The following EPAS1 variants were observed in gnomAD, a reference collection of about 807,000 sequenced individuals.
EPAS1 encodes the protein endothelial PAS domain protein 1, also known as endothelial PAS domain-containing protein 1.
A neutral mutation model predicts 87.9 loss-of-function variants in EPAS1; 23 were observed. That is an observed-to-expected ratio of 0.26 (90% confidence interval 0.19 to 0.37). The LOEUF is 0.37. Among genes scored for constraint, EPAS1 ranks in the 10% least tolerant of loss-of-function variants. EPAS1 has a pLI of 1.00. For synonymous variants in EPAS1, 508 were observed against 444.3 expected (o/e 1.14, Z -1.80); for missense variants, 1,138 against 1,120.7 (o/e 1.02, Z -0.22).
chr2:46,352,199 T>A lies in EPAS1; in HGVS notation c.218-3952T>A, dbSNP rs115878065. 4.9e-3 allele frequency among the ~76,000 whole-genome samples: 749 copies of A among 152,284 alleles called. 7 individuals carry two copies. Among genetic ancestry groups the A allele is most frequent in the Middle Eastern group, 0.014 (4 of 294 alleles). ...GCCCAGGATGATTTACAGACCCACT[T>A]GGTGGCTTATTGAGCACCTACTCTG... On this transcript the variant is annotated intron_variant, in intron 2 of 15. Transcript: ENST00000263734.
At chr2:46,311,792 G>A (rs546083864) in intron 1 of EPAS1, among the ~76,000 whole-genome samples, 30 of 152,132 alleles carry the variant, frequency 2.0e-4, no homozygotes, top group Non-Finnish European at 3.1e-4. Context: ...TGAGACATGG[G>A]CACACCTGAG....
At chr2:46,372,229 C>G (rs1366312388) in intron 7 of EPAS1, among the ~76,000 whole-genome samples, 1 of 152,192 alleles carries the variant, frequency 6.6e-6, no homozygotes, top group Non-Finnish European at 1.5e-5. Context: ...AAACCCATAG[C>G]TAGCCAAGGG....
intron 1 of EPAS1, among the ~76,000 whole-genome samples, chr2:46,323,312 G>A (rs367769971): frequency 4.6e-5 from 7 of 152,318 alleles, no homozygotes; most frequent in South Asian, 2.1e-4. Flanking sequence ...ATATAAAATA[G>A]TGATCAATAA....
chr2:46,356,213 G>C lies in EPAS1; in HGVS notation c.280G>C (p.Ala94Pro). Reference sequence around the variant, plus strand: ...GCAGATGGACAACTTGTACCTGAAAGCCTTGGAGGGTTTCATTGCCGTGGT... The same window carrying C: ...GCAGATGGACAACTTGTACCTGAAACCCTTGGAGGGTTTCATTGCCGTGGT... ...DQQMDNLYLKALEGFIAVVTQ... is the reference protein window; with the variant it reads ...DQQMDNLYLKPLEGFIAVVTQ... Residue 94 changes from alanine to proline, a missense_variant, in exon 3 of 16, where the codon GCC (alanine) becomes CCC (proline). Physicochemically the swap from Ala to Pro is conservative, Grantham distance 27. This residue lies in a region of EPAS1 where 351 missense variants were observed against 417.1 expected (regional missense o/e 0.84). Coordinates refer to ENST00000263734, the MANE Select transcript of EPAS1 (RefSeq NM_001430.5). 1 of 1,589,026 alleles carries C rather than the reference G, an allele frequency of 6.3e-7. No homozygotes were observed. Among genetic ancestry groups the C allele is most frequent in the South Asian group, 1.1e-5 (1 of 90,478 alleles).
chr2:46,378,680 C>T lies in EPAS1; in HGVS notation c.1467C>T (p.Tyr489=). 1 of 1,614,132 alleles carries T rather than the reference C, an allele frequency of 6.2e-7. No individual in the cohort carries two copies. The highest frequency in any genetic ancestry group is 1.1e-5 in the South Asian group (1 of 91,078). ...AGCCCAATAGCCCTGAAGACTATTACACATCTTTGGATAACGACCTGAAGA... is the reference window on the plus strand; with the variant it reads ...AGCCCAATAGCCCTGAAGACTATTATACATCTTTGGATAACGACCTGAAGA... ...CSTPNSPEDY[Y]TSLDNDLKIE... is the part of the protein sequence containing the mutation. The change falls in exon 11 of 16, where the codon TAC becomes TAT. Residue 489 remains tyrosine (Y), a synonymous_variant. Transcript: ENST00000263734.
intron 3 of EPAS1, 109 bp from the exon 4 acceptor site, chr2:46,356,615 C>G: frequency 1.1e-6 from 1 of 896,656 alleles, no homozygotes; most frequent in Non-Finnish European, 1.9e-6. Flanking sequence ...TGAGAAAACC[C>G]AATTCAGTCT....
Position 46,381,774 on chromosome 2 carries a change from C to G in EPAS1, c.2172+52C>G, listed in dbSNP as rs548548112. On this transcript the variant is annotated intron_variant, in intron 13 of 15. Coordinates refer to ENST00000263734, the MANE Select transcript of EPAS1 (RefSeq NM_001430.5). ...GCCTCTCCATAGCCCTTAGGGAACC[C>G]AGGGCTGCTGAGAGGGGTGGGGATG... 9.9e-6 allele frequency: 16 copies of G among 1,610,034 alleles called. No homozygotes were observed. In the South Asian group the frequency reaches 1.8e-4, roughly 18 times the overall value.
At chr2:46,369,347 A>C (rs17035077) in intron 6 of EPAS1, among the ~76,000 whole-genome samples, 4,327 of 152,224 alleles carry the variant, frequency 0.028, 196 homozygotes, top group African/African-American at 0.097. Flanking sequence ...CATAATTTTC[A>C]TGTTTCATTT....
At chr2:46,366,643 G>A (rs1458462784) in intron 6 of EPAS1, among the ~76,000 whole-genome samples, 1 of 152,144 alleles carries the variant, frequency 6.6e-6, no homozygotes, top group Non-Finnish European at 1.5e-5. Flanking sequence ...GCCCTACTGA[G>A]TTGACTTTGA....
chr2:46,345,526 G>C (rs2104870621), intron 1 of EPAS1, among the ~76,000 whole-genome samples: 1 of 152,194 alleles, frequency 6.6e-6, no homozygotes, highest in Non-Finnish European at 1.5e-5. Context: ...ACCTGCTGGA[G>C]GCCACAGGTA....
At chr2:46,337,564 ATTTC>A in intron 1 of EPAS1, among the ~76,000 whole-genome samples, 1 of 152,252 alleles carries the variant, frequency 6.6e-6, no homozygotes, top group Middle Eastern at 3.4e-3. Flanking sequence ...CCGCCGTGCA[ATTTC>A]TTTGTCAATT....
Position 46,385,982 on chromosome 2 carries a change from A to T in EPAS1, c.*1322A>T, listed in dbSNP as rs1685014844. 3.9e-5 allele frequency: 6 copies of T among 152,578 alleles called. No homozygotes were observed. In the South Asian group the frequency reaches 1.2e-3, roughly 32 times the overall value. 9.5% of individuals were successfully genotyped at this position (152,578 alleles called of 1,614,324 possible). A position where few individuals can be genotyped will look rare whatever the true frequency, so the allele number is the denominator to read the frequency against. ...GGAGCCCCGTGGAGCTGGACTGAGG[A>T]GGAGGCTGCACAGCGGGAGAGCAGC... On this transcript the variant is annotated 3_prime_UTR_variant, in exon 16 of 16. Transcript: ENST00000263734.
At chr2:46,299,100 G>A (rs1458858218) in intron 1 of EPAS1, among the ~76,000 whole-genome samples, 1 of 152,240 alleles carries the variant, frequency 6.6e-6, no homozygotes, top group Non-Finnish European at 1.5e-5. Context: ...AAGGGAGGGA[G>A]GTGACTGGCC....
Position 46,297,541 on chromosome 2 carries a change from G to C in EPAS1, c.-371G>C, listed in dbSNP as rs1682903905. ...CTCAGCCCGGCCTCCGACTCCTTCCGACTCCCAGCATTCGAGCCACTTTTT... is the reference window on the plus strand; with the variant it reads ...CTCAGCCCGGCCTCCGACTCCTTCCCACTCCCAGCATTCGAGCCACTTTTT... On this transcript the variant is annotated 5_prime_UTR_variant, in exon 1 of 16. Coordinates refer to ENST00000263734, the MANE Select transcript of EPAS1 (RefSeq NM_001430.5). 9 of 314,666 alleles carry C rather than the reference G, an allele frequency of 2.9e-5. No homozygotes were observed. The highest frequency in any genetic ancestry group is 2.4e-4 in the South Asian group (9 of 37,658). The allele number at this position is 314,666 out of a possible 1,614,324, so 19.5% of individuals were successfully genotyped here. A position where few individuals can be genotyped will look rare whatever the true frequency, so the allele number is the denominator to read the frequency against.
intron 2 of EPAS1, among the ~76,000 whole-genome samples, chr2:46,353,335 T>C (rs1562453): frequency 0.58 from 88,533 of 152,140 alleles, 26,379 homozygotes; most frequent in East Asian, 0.88. Flanking sequence ...AAAAACAGAT[T>C]CTCAGTTCTA....
At chr2:46,316,672 A>G (rs1036665014) in intron 1 of EPAS1, among the ~76,000 whole-genome samples, 2 of 152,198 alleles carry the variant, frequency 1.3e-5, no homozygotes, top group Non-Finnish European at 2.9e-5. Context: ...TCTTGCCTCC[A>G]TATCGGTGGC....
Position 46,301,824 on chromosome 2 carries a change from G to GAAA in EPAS1, c.26+3900_26+3902dup, listed in dbSNP as rs3053640. 7.5e-3 allele frequency among the ~76,000 whole-genome samples: 981 copies of GAAA among 131,382 alleles called. 19 individuals are homozygous for GAAA. Among genetic ancestry groups the GAAA allele is most frequent in the Admixed American group, 0.019 (260 of 13,720 alleles). 86.2% of individuals were successfully genotyped at this position (131,382 alleles called of 152,430 possible). ...GAAGTGATGATTCTGTTTGCTTTTTGAAAAAAAAAAAAAAAGGAAGCAGAG... is the reference window on the plus strand; with the variant it reads ...GAAGTGATGATTCTGTTTGCTTTTTGAAAAAAAAAAAAAAAAAAGGAAGCAGAG... On this transcript the variant is annotated intron_variant, in intron 1 of 15. Transcript: ENST00000263734.
At position 46,382,033 on chromosome 2, in the gene EPAS1, G is replaced by C; in HGVS notation, c.2231G>C (p.Arg744Thr). Residue 744 changes from arginine to threonine, a missense_variant, in exon 14 of 16, where the codon AGG becomes ACG. By Grantham distance (71) the Arg-to-Thr change is moderately conservative (BLOSUM62 -1). Transcript: ENST00000263734. ...ATGTGGAAACGGATGAAGAACCTCA[G>C]GGGTGGGAGCTGCCCTTTGATGCCG... The part of the protein sequence containing the change: ...HLMWKRMKNL[R>T]GGSCPLMPDK... 1 of 1,614,070 alleles carries C rather than the reference G, an allele frequency of 6.2e-7. No individual in the cohort carries two copies. The highest frequency in any genetic ancestry group is 1.1e-5 in the South Asian group (1 of 91,086).
At position 46,360,250 on chromosome 2, in the gene EPAS1, C is replaced by T. The variant is rs1000358850; in HGVS notation, c.455-388C>T. Among the ~76,000 whole-genome samples, 2 of 152,246 alleles carry T rather than the reference C, an allele frequency of 1.3e-5. No individual in the cohort carries two copies. The highest frequency in any genetic ancestry group is 2.4e-5 in the African/African-American group (1 of 41,462). Reference sequence around the variant, plus strand: ...CACCCTTGGAGTAACTGTGGCCTCACTCAGACTGTCCCTTGGAATTTCTGC... The same window carrying T: ...CACCCTTGGAGTAACTGTGGCCTCATTCAGACTGTCCCTTGGAATTTCTGC... On this transcript the variant is annotated intron_variant, in intron 4 of 15. Coordinates refer to ENST00000263734, the MANE Select transcript of EPAS1 (RefSeq NM_001430.5). The surrounding 1 kb of genome is among the most constrained non-coding windows in gnomAD (Gnocchi z 4.5).
Sources: gnomAD v4.1 joint callset for allele counts (sites outside exome capture counted in the v4.1 genomes callset) on GRCh38, gnomAD v4.1.1 for gene constraint, gnomAD v4.1.1 regional missense constraint, Gnocchi (gnomAD v3.1) non-coding constraint, MANE v1.5 for transcripts, NCBI Gene and HGNC (gene_info 2026-07-23, HGNC 2026-07-21) for gene names.